Variants in NUBP1 observed in about 807,000 individuals in gnomAD.
The protein encoded by NUBP1 is cytosolic Fe-S cluster assembly factor NUBP1.
NUBP1 carries 46 observed loss-of-function variants against 41.8 expected under a neutral mutation model. The observed-to-expected ratio is 1.10, with a 90% confidence interval of 0.87 to 1.41. The LOEUF is 1.41. Among genes scored for constraint, NUBP1 ranks in the 40% most tolerant of loss-of-function variants. The pLI is 0.00. For missense variants in NUBP1, 494 were observed against 414.0 expected (o/e 1.19, Z -1.68); for synonymous variants, 189 against 154.6 (o/e 1.22, Z -1.65).
intron 2 of NUBP1, 77 bp from the exon 3 acceptor site, chr16:10,747,066 C>T: frequency 6.4e-7 from 1 of 1,572,854 alleles, no homozygotes; most frequent in Non-Finnish European, 8.7e-7. Context: ...GGACTTAGCT[C>T]TTTCTAGTTG....
At chr16:10,764,765 G>A (rs2719650) in intron 9 of NUBP1, among the ~76,000 whole-genome samples, 436 of 136,510 alleles carry the variant, frequency 3.2e-3, no homozygotes, top group African/African-American at 0.012. Flanking sequence ...ATGTCAGTCT[G>A]TTGGAGCATC....
rs78753112 is a variant in NUBP1, at chr16:10,758,490, A to G, written c.606+463A>G. Among the ~76,000 whole-genome samples the G allele has an allele frequency of 9.0e-3, 1,368 of 152,300 alleles. 27 individuals carry two copies. Among genetic ancestry groups the G allele is most frequent in the African/African-American group, 0.03 (1,244 of 41,562 alleles). On this transcript the variant is annotated intron_variant, in intron 7 of 10. Coordinates refer to ENST00000283027, the MANE Select transcript of NUBP1 (RefSeq NM_002484.4). ...CTTGTCCCAAAAGATAAAAATAAGA[A>G]AAACTTCATCTTTGGTCTAGACATT...
intron 6 of NUBP1, 29 bp downstream of exon 6, chr16:10,756,809 C>G: frequency 6.4e-7 from 1 of 1,562,438 alleles, no homozygotes; most frequent in Non-Finnish European, 8.7e-7. Flanking sequence ...TTTTGTCTCT[C>G]ACATTCTTCC....
chr16:10,743,939 C>T (rs1217868291), intron 1 of NUBP1, 22 bp from the exon 2 acceptor site: 4 of 1,590,966 alleles, frequency 2.5e-6, no homozygotes, highest in African/African-American at 1.4e-5. Context: ...GCTGCTCTAA[C>T]TGTGGTCTTG....
Position 10,743,984 on chromosome 16 carries a change from CA to C in NUBP1, c.44del (p.Gln15ArgfsTer29). On this transcript the variant is annotated frameshift_variant, in exon 2 of 11. Transcript: ENST00000283027. LOFTEE classifies it high-confidence loss of function. ...PHDCPGADSA[Q>X]AGRGASCQGC... ...AGACTGTCCAGGGGCCGACAGCGCCCAGGCGGGCAGAGGGGCTTCATGTCAG... is the reference window on the plus strand; with the variant it reads ...AGACTGTCCAGGGGCCGACAGCGCCCGGCGGGCAGAGGGGCTTCATGTCAG... 1 of 1,581,844 alleles carries C rather than the reference CA, an allele frequency of 6.3e-7. No individual in the cohort carries two copies. Among genetic ancestry groups the C allele is most frequent in the Non-Finnish European group, 8.5e-7 (1 of 1,169,672 alleles).
chr16:10,751,333 T>C (rs1900306095), intron 3 of NUBP1, among the ~76,000 whole-genome samples: 1 of 152,112 alleles, frequency 6.6e-6, no homozygotes, highest in African/African-American at 2.4e-5. Flanking sequence ...CAGTCCCAAG[T>C]ATCAAGGTCC....
At position 10,769,104 on chromosome 16, in the gene NUBP1, G is replaced by A. The variant is rs772778325; in HGVS notation, c.962G>A (p.Ter321=). 3.1e-6 allele frequency: 5 copies of A among 1,613,866 alleles called. No homozygotes were observed. Among genetic ancestry groups the A allele is most frequent in the Non-Finnish European group, 3.4e-6 (4 of 1,179,936 alleles). Residue 321 remains the stop codon, a stop_retained_variant, in exon 11 of 11, where the codon TGA becomes TAA. Transcript: ENST00000283027. ...QSKEENLISS[*] The stretch of plus-strand genomic sequence containing the variant: ...AAAGAAGAGAACCTCATCAGTTCCT[G>A]AAACGAGAGAATGTTCAGGACCAAG...
At chr16:10,752,818 A>G (rs987304869) in intron 4 of NUBP1, 140 bp downstream of exon 4, 26 of 719,840 alleles carry the variant, frequency 3.6e-5, no homozygotes, top group Non-Finnish European at 5.6e-5. Context: ...TTTTTGAGAC[A>G]AGGTCTCACT....
chr16:10,761,340 T>C, intron 7 of NUBP1, 24 bp from the exon 8 acceptor site: 1 of 1,606,962 alleles, frequency 6.2e-7, no homozygotes. Context: ...GATGCTGGAA[T>C]CACTGGTCTT....
chr16:10,748,291 A>G (rs946531523), intron 3 of NUBP1, among the ~76,000 whole-genome samples: 5 of 152,158 alleles, frequency 3.3e-5, no homozygotes, highest in African/African-American at 1.2e-4. Flanking sequence ...GTACCTACAT[A>G]TGATCCTTGA....
intron 2 of NUBP1, among the ~76,000 whole-genome samples, chr16:10,744,868 G>A (rs183606049): frequency 7.3e-5 from 11 of 151,050 alleles, no homozygotes; most frequent in Non-Finnish European, 1.3e-4. Context: ...AGCGATTCTC[G>A]TGCCTCAGTC....
intron 2 of NUBP1, among the ~76,000 whole-genome samples, chr16:10,746,271 T>C (rs377448114): frequency 3.3e-5 from 5 of 152,222 alleles, no homozygotes; most frequent in Admixed American, 1.3e-4. Context: ...GATAGTTTCA[T>C]TGGCAGATAC....
At chr16:10,745,471 G>T (rs966287037) in intron 2 of NUBP1, among the ~76,000 whole-genome samples, 1 of 151,914 alleles carries the variant, frequency 6.6e-6, no homozygotes, top group Non-Finnish European at 1.5e-5. Context: ...AAAAAAAAAT[G>T]AAGAGAAAAA....
chr16:10,747,528 G>A lies in NUBP1; in HGVS notation c.258+252G>A, dbSNP rs537509053. Among the ~76,000 whole-genome samples the A allele has an allele frequency of 2.6e-4, 40 of 152,350 alleles. 1 individual carries two copies. The East Asian group carries it at 6.9e-3, about 26-fold the overall frequency. On this transcript the variant is annotated intron_variant, in intron 3 of 10. Transcript: ENST00000283027. ...CGCAGGCTTGTAATCCCAGCTTTTC[G>A]CGAGGATGAGCCATGAGAATCGCTT...
chr16:10,758,168 G>GA (rs1900696636), intron 7 of NUBP1, 141 bp downstream of exon 7: 1 of 954,058 alleles, frequency 1.0e-6, no homozygotes, highest in African/African-American at 1.6e-5. Flanking sequence ...TGGGTCTGCA[G>GA]AAACCTCGTG....
rs1319346577 is a variant in NUBP1 at position 10,768,816 on chromosome 16, C to G, written c.905-231C>G. 6.8e-6 allele frequency: 3 copies of G among 443,150 alleles called. No individual in the cohort carries two copies. The highest frequency in any genetic ancestry group is 6.1e-5 in the African/African-American group (3 of 49,232). The allele number at this position is 443,150 out of a possible 1,614,324, so 27.5% of individuals were successfully genotyped here. ...AAGGAAACAGCATTCCCAGAATCCT[C>G]CATCTATAGATGGTCCGAGGAAGGC... On this transcript the variant is annotated intron_variant, in intron 10 of 10. Coordinates refer to ENST00000283027, the MANE Select transcript of NUBP1 (RefSeq NM_002484.4). This position sits in a 1 kb window ranked among gnomAD's most constrained non-coding sequence, Gnocchi z 4.3.
chr16:10,750,146 C>T (rs913277597), intron 3 of NUBP1, among the ~76,000 whole-genome samples: 4 of 152,082 alleles, frequency 2.6e-5, no homozygotes, highest in African/African-American at 7.2e-5. Flanking sequence ...TGCAGTGAGC[C>T]GTGATTATGC....
rs1425857879 is a variant in NUBP1 at position 10,765,641 on chromosome 16, T to C, written c.821-2308T>C. Among the ~76,000 whole-genome samples, 1 of 152,214 alleles carries C rather than the reference T, an allele frequency of 6.6e-6. No individual in the cohort carries two copies. Among genetic ancestry groups the C allele is most frequent in the Non-Finnish European group, 1.5e-5 (1 of 68,032 alleles). On this transcript the variant is annotated intron_variant, in intron 9 of 10. Transcript: ENST00000283027. The surrounding 1 kb of genome is among the most constrained non-coding windows in gnomAD (Gnocchi z 4.0). ...GGCTATTAGATCCTGATACGGCTTT[T>C]CTTCCAAAGAGCCAGCAACCTCCAT...
chr16:10,758,222 G>A (rs1900702218), intron 7 of NUBP1, among the ~76,000 whole-genome samples, 195 bp downstream of exon 7: 1 of 152,196 alleles, frequency 6.6e-6, no homozygotes, highest in Non-Finnish European at 1.5e-5. Flanking sequence ...TGTAATCCCA[G>A]GACTTTGGGA....
Sources: gnomAD v4.1 joint callset for allele counts (sites outside exome capture counted in the v4.1 genomes callset) on GRCh38, gnomAD v4.1.1 for gene constraint, Gnocchi (gnomAD v3.1) non-coding constraint, MANE v1.5 for transcripts, NCBI Gene and HGNC (gene_info 2026-07-23, HGNC 2026-07-21) for gene names.